The following MRAP variants were observed in gnomAD, a reference collection of about 807,000 sequenced individuals.
MRAP encodes the protein melanocortin-2 receptor accessory protein.
A neutral mutation model predicts 8.7 loss-of-function variants in MRAP; 8 were observed. That is an observed-to-expected ratio of 0.92 (90% CI 0.54 to 1.66). The LOEUF (loss-of-function observed/expected upper bound fraction) is 1.66. MRAP is among the 40% of genes most tolerant of loss of function. MRAP has a pLI of 0.00. For missense variants in MRAP, 237 were observed against 217.1 expected (o/e 1.09, Z -0.58); for synonymous variants, 95 against 95.5 (o/e 1.00, Z 0.03).
In MRAP at chr21:32,292,060, AATT is replaced by A. The variant is rs1364669344; in HGVS notation, c.-151+214_-151+216del. Among the ~76,000 whole-genome samples, 4 of 152,362 alleles carry A rather than the reference AATT, an allele frequency of 2.6e-5. No individual in the cohort carries two copies. The East Asian group carries it at 7.7e-4, about 29-fold the overall frequency. On this transcript the variant is annotated intron_variant, in intron 1 of 4. Transcript: ENST00000399784. ...AATTTGAGCAAATTAACTGTAAAAA[AATT>A]ATGAGACAAATAAGGAAAATGTGAG...
intron 2 of MRAP, among the ~76,000 whole-genome samples, chr21:32,309,149 C>A (rs1416672558): frequency 6.6e-6 from 1 of 152,168 alleles, no homozygotes; most frequent in Non-Finnish European, 1.5e-5. Context: ...ATCTGCTTAG[C>A]TTCTGGTGAG....
chr21:32,301,097 A>G (rs765880614), intron 1 of MRAP, among the ~76,000 whole-genome samples: 3 of 145,368 alleles, frequency 2.1e-5, no homozygotes, highest in African/African-American at 8.4e-5. Context: ...ATCGTATATG[A>G]TATCATATAT....
intron 2 of MRAP, among the ~76,000 whole-genome samples, chr21:32,308,363 G>C (rs2032469476): frequency 1.3e-5 from 2 of 151,586 alleles, no homozygotes; most frequent in East Asian, 1.9e-4. Context: ...GGCAAGAAGA[G>C]AGAAACTCTG....
Position 32,312,108 on chromosome 21 carries a change from A to C in MRAP, c.*112A>C. ...TTTGCATGTAGCAGAAAGGGCACCT[A>C]GGTCAAGTGCAACTAGAGCAGGAGC... is the stretch of plus-strand genomic sequence containing the variant. On this transcript the variant is annotated 3_prime_UTR_variant, in exon 3 of 3. Transcript: ENST00000303645. 3 of 1,572,034 alleles carry C rather than the reference A, an allele frequency of 1.9e-6. No individual in the cohort carries two copies. Among genetic ancestry groups the C allele is most frequent in the Non-Finnish European group, 2.6e-6 (3 of 1,165,686 alleles).
chr21:32,297,306 G>A (rs570136492), upstream of MRAP, among the ~76,000 whole-genome samples: 77 of 152,306 alleles, frequency 5.1e-4, 1 homozygote, highest in South Asian at 0.016. Flanking sequence ...GAGAGGCTGG[G>A]GATTGAGTTC....
upstream of MRAP, among the ~76,000 whole-genome samples, chr21:32,298,552 GTTCTT>G (rs1431566251): frequency 2.0e-5 from 3 of 152,224 alleles, no homozygotes; most frequent in Middle Eastern, 3.4e-3. Flanking sequence ...TTACATTTTG[GTTCTT>G]TTAACTTTTC....
chr21:32,310,266 C>T (rs2032525891), intron 2 of MRAP, among the ~76,000 whole-genome samples: 1 of 151,916 alleles, frequency 6.6e-6, no homozygotes, highest in Admixed American at 6.5e-5. Context: ...TCCTGGAATG[C>T]TCAGGGCGGC....
At chr21:32,294,577 T>C (rs1601092611), upstream of MRAP, among the ~76,000 whole-genome samples, 1 of 152,246 alleles carries the variant, frequency 6.6e-6, no homozygotes, top group Admixed American at 6.5e-5. Context: ...TTGATGTATA[T>C]ACTCTTGGTA....
chr21:32,311,665 C>T lies in MRAP; in HGVS notation c.207-19C>T. 3 of 1,613,156 alleles carry T rather than the reference C, an allele frequency of 1.9e-6. No individual in the cohort carries two copies. The highest frequency in any genetic ancestry group is 1.7e-6 in the Non-Finnish European group (2 of 1,179,588). ...TGCAGCAACTATGATGCCTGCCTCC[C>T]ACTCTGCTCTGTTCACAGGAACAGC... On this transcript the variant is annotated intron_variant, in intron 2 of 2. Transcript: ENST00000303645.
intron 1 of MRAP, among the ~76,000 whole-genome samples, chr21:32,299,398 G>C (rs565533306): frequency 1.3e-5 from 2 of 152,266 alleles, no homozygotes; most frequent in South Asian, 2.1e-4. Flanking sequence ...GCAGTGGCGT[G>C]ACCATAGCTC....
intron 1 of MRAP, among the ~76,000 whole-genome samples, chr21:32,302,744 C>T (rs889139045): frequency 6.6e-6 from 1 of 152,176 alleles, no homozygotes; most frequent in East Asian, 1.9e-4. Flanking sequence ...AACGGACACA[C>T]GGTGCTAGAA....
Position 32,300,949 on chromosome 21 carries a change from G to A in MRAP, c.106+1872G>A, listed in dbSNP as rs575091965. Among the ~76,000 whole-genome samples, 6 of 150,184 alleles carry A rather than the reference G, an allele frequency of 4.0e-5. No homozygotes were observed. The South Asian group carries it at 1.0e-3, about 26-fold the overall frequency. On this transcript the variant is annotated intron_variant, in intron 1 of 2. Transcript: ENST00000303645. ...GATATATCGTGTATGTCATATCAAT[G>A]ATATATCATGATTTCAAAGATGTAT...
upstream of MRAP, among the ~76,000 whole-genome samples, chr21:32,296,968 T>C (rs2032151976): frequency 6.6e-6 from 1 of 152,180 alleles, no homozygotes. Context: ...AAATGTGCAA[T>C]GATGTTATGT....
chr21:32,297,926 C>T (rs1311441857), upstream of MRAP, among the ~76,000 whole-genome samples: 1 of 152,196 alleles, frequency 6.6e-6, no homozygotes, highest in Non-Finnish European at 1.5e-5. Flanking sequence ...CTCAAGTTAT[C>T]TGGGTGGACT....
intron 1 of MRAP, among the ~76,000 whole-genome samples, chr21:32,300,814 CGTCATGTGTCCTATGTCGGATATGTCAT>C (rs1486720328): frequency 7.0e-6 from 1 of 142,412 alleles, no homozygotes; most frequent in East Asian, 2.1e-4. Flanking sequence ...ATGTCAGGGG[CGTCATGTGTCCTATGTCGGATATGTCAT>C]GCGCCCTATG....
At position 32,312,109 on chromosome 21, in the gene MRAP, G is replaced by C. The variant is rs796506212; in HGVS notation, c.*113G>C. On this transcript the variant is annotated 3_prime_UTR_variant, in exon 3 of 3. Transcript: ENST00000303645. ...TTGCATGTAGCAGAAAGGGCACCTA[G>C]GTCAAGTGCAACTAGAGCAGGAGCA... 1.7e-5 allele frequency: 26 copies of C among 1,570,828 alleles called. No homozygotes were observed. The African/African-American group carries it at 2.0e-4, about 12-fold the overall frequency.
intron 2 of MRAP, among the ~76,000 whole-genome samples, chr21:32,310,733 G>A (rs778593893): frequency 1.3e-5 from 2 of 151,064 alleles, no homozygotes; most frequent in African/African-American, 4.9e-5. Context: ...TGCAACTTCC[G>A]ACTCCTTGGT....
At chr21:32,292,921 T>A (rs762581240) in intron 1 of MRAP, 2 of 152,212 alleles carry the variant, frequency 1.3e-5, no homozygotes, top group Non-Finnish European at 2.9e-5. Context: ...GTGCAGAGGC[T>A]GATTAATGGC....
intron 2 of MRAP, among the ~76,000 whole-genome samples, chr21:32,309,006 G>A (rs1272763233): frequency 6.6e-6 from 1 of 152,134 alleles, no homozygotes; most frequent in African/African-American, 2.4e-5. Context: ...CCGTGGACTC[G>A]CGCATTGGCA....
Sources: gnomAD v4.1 joint callset for allele counts (sites outside exome capture counted in the v4.1 genomes callset) on GRCh38, gnomAD v4.1.1 for gene constraint, MANE v1.5 for transcripts, NCBI Gene and HGNC (gene_info 2026-07-23, HGNC 2026-07-21) for gene names.